RTN1: variants seen among roughly 807,000 people sequenced by gnomAD.
The protein encoded by RTN1 is reticulon 1, also known as reticulon-1.
Under a neutral mutation model 65.5 loss-of-function variants are expected in RTN1, and 25 were observed. The observed-to-expected ratio is 0.38, with a 90% CI of 0.28 to 0.53. RTN1 has a LOEUF of 0.53. Ranked by LOEUF, RTN1 falls within the 20% of genes least tolerant of loss-of-function variation. The pLI is 0.79. For missense variants in RTN1, 983 were observed against 1,025.4 expected (o/e 0.96, Z 0.57); for synonymous variants, 471 against 447.6 (o/e 1.05, Z -0.66).
chr14:59,821,337 C>T (rs1358044302), intron 1 of RTN1, among the ~76,000 whole-genome samples: 1 of 152,152 alleles, frequency 6.6e-6, no homozygotes, highest in African/African-American at 2.4e-5. Context: ...TACAGAAATG[C>T]TCCTGATTTT....
At chr14:59,693,028 C>T (rs1457778851) in intron 3 of RTN1, among the ~76,000 whole-genome samples, 2 of 152,082 alleles carry the variant, frequency 1.3e-5, no homozygotes, top group Non-Finnish European at 2.9e-5. Context: ...GGAGGTGGGG[C>T]CTTTGGGATA....
intron 1 of RTN1, among the ~76,000 whole-genome samples, chr14:59,778,478 T>C (rs1886094654): frequency 6.6e-6 from 1 of 152,176 alleles, no homozygotes; most frequent in Non-Finnish European, 1.5e-5. Flanking sequence ...CTTGAGACCA[T>C]ACCTATTCAT....
intron 1 of RTN1, among the ~76,000 whole-genome samples, chr14:59,806,857 C>CAGTCT (rs1239623758): frequency 2.6e-5 from 4 of 152,202 alleles, no homozygotes; most frequent in African/African-American, 7.2e-5. Flanking sequence ...CTTCTTTATC[C>CAGTCT]AGTCTACCAT....
intron 3 of RTN1, among the ~76,000 whole-genome samples, chr14:59,708,968 T>C (rs776076533): frequency 2.6e-5 from 4 of 152,144 alleles, no homozygotes; most frequent in African/African-American, 2.4e-5. Flanking sequence ...AAAATAGAAG[T>C]TGAGAGATTT....
At chr14:59,759,191 A>G (rs1885700183) in intron 1 of RTN1, among the ~76,000 whole-genome samples, 2 of 152,232 alleles carry the variant, frequency 1.3e-5, no homozygotes, top group African/African-American at 2.4e-5. Flanking sequence ...AGGCCTTCCC[A>G]ATCTTAGGAT....
chr14:59,868,755 AG>A lies in RTN1; in HGVS notation c.241+1634del, dbSNP rs1436159305. 6.6e-6 allele frequency among the ~76,000 whole-genome samples: 1 copy of A among 152,320 alleles called. No homozygotes were observed. The highest frequency in any genetic ancestry group is 6.5e-5 in the Admixed American group (1 of 15,296). On this transcript the variant is annotated intron_variant, in intron 1 of 8. Transcript: ENST00000267484. The surrounding 1 kb of genome is among the most constrained non-coding windows in gnomAD (Gnocchi z 4.0). ...TTCACATAATCTTAGTGGCACTAAT[AG>A]GAGGTGGGTAATGTTTCATAAAGAA... is the stretch of plus-strand genomic sequence containing the variant.
intron 1 of RTN1, among the ~76,000 whole-genome samples, chr14:59,861,965 C>G (rs1056035273): frequency 2.0e-5 from 3 of 152,132 alleles, no homozygotes; most frequent in East Asian, 1.9e-4. Context: ...CTGCCTAGAA[C>G]AGAATCTAGG....
intron 3 of RTN1, among the ~76,000 whole-genome samples, chr14:59,610,984 T>C (rs1327843168): frequency 1.3e-5 from 2 of 152,180 alleles, no homozygotes; most frequent in South Asian, 2.1e-4. Context: ...CTCTGACCAA[T>C]CAGCACTCCT....
chr14:59,639,176 G>C (rs939082268), intron 3 of RTN1, among the ~76,000 whole-genome samples: 2 of 152,170 alleles, frequency 1.3e-5, no homozygotes, highest in African/African-American at 4.8e-5. Flanking sequence ...AACATTTATT[G>C]ATTAAGTTAG....
At position 59,849,843 on chromosome 14, in the gene RTN1, C is replaced by T; in HGVS notation, c.241+20547G>A. On this transcript the variant is annotated intron_variant, in intron 1 of 8. Coordinates refer to ENST00000267484, the MANE Select transcript of RTN1 (RefSeq NM_021136.3). The surrounding 1 kb of genome is among the most constrained non-coding windows in gnomAD (Gnocchi z 4.5). Reference sequence around the variant, plus strand: ...AGTCTTCTTAACTACTTCTCTTTTCCTCTTCTTCATAAATCCATTCCTTTT... The same window carrying T: ...AGTCTTCTTAACTACTTCTCTTTTCTTCTTCTTCATAAATCCATTCCTTTT... 6.6e-6 allele frequency among the ~76,000 whole-genome samples: 1 copy of T among 152,142 alleles called. No individual in the cohort carries two copies.
Position 59,868,877 on chromosome 14 carries a change from T to C in RTN1, c.241+1513A>G, listed in dbSNP as rs1038929143. On this transcript the variant is annotated intron_variant, in intron 1 of 8. Transcript: ENST00000267484. This position sits in a 1 kb window ranked among gnomAD's most constrained non-coding sequence, Gnocchi z 4.0. ...AAGACAAAAACTACCTTCCTTTGTCTATTATCATTTGCCATCTTCTTTTGC... is the reference window on the plus strand; with the variant it reads ...AAGACAAAAACTACCTTCCTTTGTCCATTATCATTTGCCATCTTCTTTTGC... Among the ~76,000 whole-genome samples, 1 of 152,184 alleles carries C rather than the reference T, an allele frequency of 6.6e-6. No individual in the cohort carries two copies. Among genetic ancestry groups the C allele is most frequent in the Non-Finnish European group, 1.5e-5 (1 of 68,034 alleles).
At chr14:59,607,529 G>T (rs561025508) in intron 3 of RTN1, 37 bp from the exon 4 acceptor site, 2 of 1,542,912 alleles carry the variant, frequency 1.3e-6, no homozygotes, top group Non-Finnish European at 8.8e-7. Context: ...CTGAGCTCCC[G>T]CAGTGCCGCC....
intron 3 of RTN1, among the ~76,000 whole-genome samples, chr14:59,625,738 G>A (rs969432448): frequency 2.0e-5 from 3 of 151,892 alleles, no homozygotes; most frequent in African/African-American, 7.3e-5. Context: ...TTCATAATGT[G>A]CCTTCCTCAT....
At chr14:59,750,850 A>T (rs1885504480) in intron 1 of RTN1, among the ~76,000 whole-genome samples, 1 of 145,434 alleles carries the variant, frequency 6.9e-6, no homozygotes, top group Non-Finnish European at 1.5e-5. Flanking sequence ...AGTAACCGGG[A>T]CTACAGGCAT....
intron 3 of RTN1, among the ~76,000 whole-genome samples, chr14:59,660,958 T>A (rs1883231026): frequency 6.6e-6 from 1 of 151,472 alleles, no homozygotes; most frequent in South Asian, 2.1e-4. Context: ...CTGTTTTTTT[T>A]GAAAATATAA....
chr14:59,692,385 T>C (rs1467028710), intron 3 of RTN1, among the ~76,000 whole-genome samples: 1 of 152,188 alleles, frequency 6.6e-6, no homozygotes, highest in Admixed American at 6.5e-5. Context: ...CAAGGAGAAC[T>C]GCAAAACACT....
intron 3 of RTN1, among the ~76,000 whole-genome samples, chr14:59,634,995 A>T (rs1882632095): frequency 6.6e-6 from 1 of 152,216 alleles, no homozygotes; most frequent in Non-Finnish European, 1.5e-5. Context: ...GTGGACTAAC[A>T]CGGGAACTTG....
At position 59,603,858 on chromosome 14, in the gene RTN1, G is replaced by A; in HGVS notation, c.2176C>T (p.Leu726Phe). ...CAGTCTTATCTGCTCTTACCCATGA[G>A]CAGCAGGGTCAGGCCATTGAAGAGA... ...GALFNGLTLL[L>F]MAVVSMFTLP... Residue 726 changes from leucine to phenylalanine, a missense_variant, in exon 6 of 9, where the codon CTC becomes TTC. Physicochemically the swap from Leu to Phe is conservative, Grantham distance 22 (BLOSUM62 0). Coordinates refer to ENST00000267484, the MANE Select transcript of RTN1 (RefSeq NM_021136.3). The A allele has an allele frequency of 1.2e-6, 2 of 1,611,086 alleles. No individual in the cohort carries two copies. The highest frequency in any genetic ancestry group is 1.7e-6 in the Non-Finnish European group (2 of 1,177,766).
chr14:59,775,747 T>A (rs1886039258), intron 1 of RTN1, among the ~76,000 whole-genome samples: 1 of 152,216 alleles, frequency 6.6e-6, no homozygotes, highest in African/African-American at 2.4e-5. Flanking sequence ...ACATCTTCTA[T>A]TCCATGTACA....
Sources: gnomAD v4.1 joint callset for allele counts (sites outside exome capture counted in the v4.1 genomes callset) on GRCh38, gnomAD v4.1.1 for gene constraint, Gnocchi (gnomAD v3.1) non-coding constraint, MANE v1.5 for transcripts, NCBI Gene and HGNC (gene_info 2026-07-23, HGNC 2026-07-21) for gene names.